Variants in NCOA1 observed in about 807,000 individuals in gnomAD.
The protein encoded by NCOA1 is Hin-2 protein.
NCOA1 carries 35 observed loss-of-function variants against 150.9 expected under a neutral mutation model. The observed-to-expected ratio is 0.23, with a 90% CI of 0.18 to 0.31. The LOEUF is 0.31. Among genes scored for constraint, NCOA1 ranks in the 10% least tolerant of loss-of-function variants. The pLI is 1.00. For synonymous variants in NCOA1, 590 were observed against 630.0 expected (o/e 0.94, Z 0.95); for missense variants, 1,491 against 1,749.3 (o/e 0.85, Z 2.63).
intron 3 of NCOA1, among the ~76,000 whole-genome samples, chr2:24,609,792 ATTC>A (rs1408929625): frequency 6.6e-6 from 1 of 151,420 alleles, no homozygotes; most frequent in Non-Finnish European, 1.5e-5. Context: ...GTTTTCAGTC[ATTC>A]TTTTCTAATG....
At chr2:24,698,216 G>GT (rs1672990125) in intron 11 of NCOA1, among the ~76,000 whole-genome samples, 1 of 151,708 alleles carries the variant, frequency 6.6e-6, no homozygotes, top group African/African-American at 2.4e-5. Flanking sequence ...AACCAAAGAA[G>GT]AAAAAAATTA....
At chr2:24,627,121 G>GTTTTTTTTTTTTT (rs33949925) in intron 3 of NCOA1, among the ~76,000 whole-genome samples, 2 of 115,160 alleles carry the variant, frequency 1.7e-5, no homozygotes, top group African/African-American at 3.4e-5. Context: ...GTTTTTTGCT[G>GTTTTTTTTTTTTT]TTTTTTTTTT....
intron 15 of NCOA1, among the ~76,000 whole-genome samples, chr2:24,727,577 T>C (rs1357031478): frequency 6.6e-6 from 1 of 152,328 alleles, no homozygotes; most frequent in East Asian, 1.9e-4. Flanking sequence ...TTGATTGTGG[T>C]TTAGCGCCTT....
chr2:24,686,159 G>A (rs1396429346), intron 8 of NCOA1, among the ~76,000 whole-genome samples: 4 of 151,982 alleles, frequency 2.6e-5, no homozygotes, highest in African/African-American at 4.8e-5. Flanking sequence ...CCACCACCAC[G>A]CCCAGCTAAT....
chr2:24,554,195 C>T (rs1331918398), intron 1 of NCOA1, among the ~76,000 whole-genome samples: 2 of 151,766 alleles, frequency 1.3e-5, no homozygotes, highest in Non-Finnish European at 2.9e-5. Context: ...AATTTTTTTT[C>T]TTCAAATTGC....
intron 14 of NCOA1, among the ~76,000 whole-genome samples, chr2:24,723,798 T>C (rs1265822996): frequency 2.0e-5 from 3 of 152,154 alleles, no homozygotes. Flanking sequence ...CATCATGTTT[T>C]GAAAAAAATA....
In NCOA1 at chr2:24,706,895, T is replaced by A; in HGVS notation, c.1425T>A (p.Pro475=). 1 of 1,614,118 alleles carries A rather than the reference T, an allele frequency of 6.2e-7. No homozygotes were observed. Among genetic ancestry groups the A allele is most frequent in the Non-Finnish European group, 8.5e-7 (1 of 1,180,002 alleles). The part of the protein sequence containing the change: ...SNPSLNLNNS[P]MEGTGISLAQ... ...CCTCTTTAAACCTCAATAATTCTCCTATGGAAGGTACAGGAATATCCCTAG... is the reference window on the plus strand; with the variant it reads ...CCTCTTTAAACCTCAATAATTCTCCAATGGAAGGTACAGGAATATCCCTAG... Residue 475 remains proline (P), a synonymous_variant, in exon 13 of 23, where the codon CCT becomes CCA. Transcript: ENST00000348332.
intron 1 of NCOA1, among the ~76,000 whole-genome samples, chr2:24,547,601 G>A (rs1665653509): frequency 6.6e-6 from 1 of 152,124 alleles, no homozygotes; most frequent in South Asian, 2.1e-4. Flanking sequence ...TGAGTACAGA[G>A]ATACAGCATT....
intron 2 of NCOA1, among the ~76,000 whole-genome samples, chr2:24,580,840 G>C (rs948910787): frequency 6.6e-6 from 1 of 152,164 alleles, no homozygotes; most frequent in Non-Finnish European, 1.5e-5. Context: ...ATCTTGGTAT[G>C]ATGAGTGATT....
At chr2:24,714,804 AT>A (rs1017118361) in intron 14 of NCOA1, among the ~76,000 whole-genome samples, 4 of 152,080 alleles carry the variant, frequency 2.6e-5, no homozygotes, top group African/African-American at 9.7e-5. Context: ...ATATTTACAA[AT>A]TTGTGGAAAT....
At chr2:24,699,263 A>T (rs1418737588) in intron 11 of NCOA1, among the ~76,000 whole-genome samples, 2 of 152,320 alleles carry the variant, frequency 1.3e-5, no homozygotes, top group African/African-American at 4.8e-5. Context: ...GGCTTTACTT[A>T]AAAGACTTAA....
At chr2:24,747,975 G>A (rs560857709) in intron 19 of NCOA1, among the ~76,000 whole-genome samples, 22 of 151,004 alleles carry the variant, frequency 1.5e-4, no homozygotes, top group Admixed American at 2.0e-4. Context: ...GCGTGGTGGC[G>A]CATGCCTGTA....
At chr2:24,745,142 ATTG>A (rs1381490225) in intron 19 of NCOA1, among the ~76,000 whole-genome samples, 1 of 150,798 alleles carries the variant, frequency 6.6e-6, no homozygotes, top group Non-Finnish European at 1.5e-5. Context: ...GACTTTAGAA[ATTG>A]TTTTCTTTTT....
chr2:24,630,127 G>A lies in NCOA1; in HGVS notation c.-174-13839G>A, dbSNP rs367711798. On this transcript the variant is annotated intron_variant, in intron 3 of 22. Coordinates refer to ENST00000348332, the MANE Select transcript of NCOA1 (RefSeq NM_003743.5). ...CCCAAAGTGCTGAGATTACAGGCGCGAGCCACCGCGCCCGGCCGTAACTTA... is the reference window on the plus strand; with the variant it reads ...CCCAAAGTGCTGAGATTACAGGCGCAAGCCACCGCGCCCGGCCGTAACTTA... Among the ~76,000 whole-genome samples the A allele has an allele frequency of 4.6e-5, 7 of 152,174 alleles. No homozygotes were observed. The South Asian group carries it at 6.2e-4, about 14-fold the overall frequency.
chr2:24,712,408 A>T (rs1040493004), intron 14 of NCOA1, among the ~76,000 whole-genome samples: 1 of 152,198 alleles, frequency 6.6e-6, no homozygotes, highest in Non-Finnish European at 1.5e-5. Context: ...CTCAGGGGAC[A>T]TTGAATGGGC....
At chr2:24,517,147 GC>G (rs939336456) in intron 1 of NCOA1, among the ~76,000 whole-genome samples, 2 of 151,022 alleles carry the variant, frequency 1.3e-5, no homozygotes, top group African/African-American at 4.9e-5. Context: ...GTTTAAAGTT[GC>G]CCCATTTACA....
intron 2 of NCOA1, 151 bp downstream of exon 2, chr2:24,564,581 A>C (rs555389162): frequency 6.6e-6 from 1 of 152,274 alleles, no homozygotes; most frequent in South Asian, 2.1e-4. Flanking sequence ...CTTTCCCACT[A>C]TACTCCCAAA....
chr2:24,755,912 G>A (rs1664474978), intron 20 of NCOA1, among the ~76,000 whole-genome samples: 1 of 151,970 alleles, frequency 6.6e-6, no homozygotes, highest in African/African-American at 2.4e-5. Flanking sequence ...AATGAGTACT[G>A]TCTTAGGCAG....
intron 2 of NCOA1, among the ~76,000 whole-genome samples, chr2:24,573,025 AGGT>A (rs1666804285): frequency 6.6e-6 from 1 of 152,174 alleles, no homozygotes; most frequent in Non-Finnish European, 1.5e-5. Context: ...GGAAACCAAA[AGGT>A]GATATATAAG....
Sources: gnomAD v4.1 joint callset for allele counts (sites outside exome capture counted in the v4.1 genomes callset) on GRCh38, gnomAD v4.1.1 for gene constraint, MANE v1.5 for transcripts, NCBI Gene and HGNC (gene_info 2026-07-23, HGNC 2026-07-21) for gene names.